The following PVT1 variants were observed in gnomAD, a reference collection of about 807,000 sequenced individuals.
PVT1 encodes the protein Pvt1 oncogene.
At chr8:127,997,679 T>C (rs1055735098) in intron 4 of PVT1, among the ~76,000 whole-genome samples, 2 of 152,248 alleles carry the variant, frequency 1.3e-5, no homozygotes, top group Admixed American at 6.5e-5. Flanking sequence ...AGTTCTCATA[T>C]ACCCTGCTCC....
At chr8:127,893,300 T>C (rs1422637363) in intron 3 of PVT1, among the ~76,000 whole-genome samples, 2 of 152,144 alleles carry the variant, frequency 1.3e-5, no homozygotes, top group Non-Finnish European at 1.5e-5. Flanking sequence ...TTTTTGAGAC[T>C]GAGTCTTACT....
At chr8:128,054,926 C>A (rs1813745688) in intron 4 of PVT1, among the ~76,000 whole-genome samples, 1 of 152,206 alleles carries the variant, frequency 6.6e-6, no homozygotes, top group Non-Finnish European at 1.5e-5. Context: ...AGCACATTAT[C>A]TTCCATAATG....
chr8:127,817,489 G>GTATATATACATA (rs1490929524), intron 2 of PVT1, among the ~76,000 whole-genome samples: 1 of 124,024 alleles, frequency 8.1e-6, no homozygotes, highest in African/African-American at 3.4e-5. Flanking sequence ...GTGTGTGTGT[G>GTATATATACATA]TGTATATACA....
chr8:128,009,356 A>G (rs1817287225), intron 4 of PVT1, among the ~76,000 whole-genome samples: 4 of 152,184 alleles, frequency 2.6e-5, no homozygotes, highest in Admixed American at 2.6e-4. Context: ...CCTATTCTAT[A>G]TGTCCTGCAT....
chr8:127,884,237 C>T (rs1250643016), intron 2 of PVT1, among the ~76,000 whole-genome samples: 1 of 152,214 alleles, frequency 6.6e-6, no homozygotes, highest in Non-Finnish European at 1.5e-5. Context: ...ATAACATCAT[C>T]ACACACTCCC....
intron 4 of PVT1, among the ~76,000 whole-genome samples, chr8:127,998,654 T>C (rs1003809067): frequency 5.3e-5 from 8 of 149,538 alleles, no homozygotes; most frequent in African/African-American, 1.7e-4. Context: ...TCCTTTTTCT[T>C]CCTTTTTTCC....
chr8:127,964,639 A>C (rs1345576420), intron 3 of PVT1, among the ~76,000 whole-genome samples: 1 of 151,984 alleles, frequency 6.6e-6, no homozygotes, highest in Non-Finnish European at 1.5e-5. Context: ...GCTAAGGGAC[A>C]CCCTTTCCTT....
intron 6 of PVT1, chr8:128,100,952 A>C (rs578080812): frequency 1.3e-5 from 2 of 152,320 alleles, no homozygotes; most frequent in Admixed American, 1.3e-4. Context: ...CTACTATTAC[A>C]GATTGGCCTT....
At chr8:127,818,739 C>T (rs977559742) in intron 2 of PVT1, among the ~76,000 whole-genome samples, 6 of 152,198 alleles carry the variant, frequency 3.9e-5, no homozygotes, top group Non-Finnish European at 7.3e-5. Context: ...AGAGCCTCCA[C>T]GTCCTCATCT....
intron 4 of PVT1, among the ~76,000 whole-genome samples, chr8:128,038,254 A>C (rs897996056): frequency 6.6e-6 from 1 of 152,118 alleles, no homozygotes; most frequent in Non-Finnish European, 1.5e-5. Context: ...TCAAATGTTG[A>C]TGGAAGGTTT....
intron 2 of PVT1, among the ~76,000 whole-genome samples, chr8:127,849,109 A>G (rs1474280261): frequency 6.6e-6 from 1 of 152,190 alleles, no homozygotes; most frequent in Admixed American, 6.5e-5. Context: ...GCCCTGGCTC[A>G]GTAGGAAGAG....
intron 5 of PVT1, among the ~76,000 whole-genome samples, chr8:128,070,669 C>T (rs77368904): frequency 0.032 from 4,819 of 152,242 alleles, 254 homozygotes; most frequent in African/African-American, 0.11. Context: ...GACTCCCTAT[C>T]TTCTGTTAGG....
chr8:127,920,482 C>T (rs1816042945), intron 3 of PVT1, among the ~76,000 whole-genome samples: 1 of 152,198 alleles, frequency 6.6e-6, no homozygotes, highest in Non-Finnish European at 1.5e-5. Context: ...GAGACTAATA[C>T]TAGTACCCAC....
chr8:128,045,736 T>C (rs566842674), intron 4 of PVT1, among the ~76,000 whole-genome samples: 1 of 152,334 alleles, frequency 6.6e-6, no homozygotes, highest in African/African-American at 2.4e-5. Context: ...AGCGGCTTCA[T>C]AATGAGCTGA....
chr8:127,826,451 A>G (rs1814789659), intron 2 of PVT1, among the ~76,000 whole-genome samples: 1 of 152,152 alleles, frequency 6.6e-6, no homozygotes, highest in African/African-American at 2.4e-5. Context: ...GGCTGGTTGT[A>G]TATGGCTGGC....
intron 2 of PVT1, among the ~76,000 whole-genome samples, chr8:127,874,421 A>G (rs1815383364): frequency 6.6e-6 from 1 of 152,180 alleles, no homozygotes; most frequent in African/African-American, 2.4e-5. Flanking sequence ...TGACACATCC[A>G]CCATGTCCAG....
At chr8:127,980,531 A>G (rs1268065404) in intron 3 of PVT1, among the ~76,000 whole-genome samples, 1 of 151,920 alleles carries the variant, frequency 6.6e-6, no homozygotes, top group Non-Finnish European at 1.5e-5. Flanking sequence ...TTGAATGGAT[A>G]TGGGATGTTT....
At position 127,899,074 on chromosome 8, in the gene PVT1, C is replaced by T. The variant is rs140619866; in HGVS notation, n.782+8076C>T. On this transcript the variant is annotated intron_variant and non_coding_transcript_variant, in intron 3 of 10. Coordinates refer to ENST00000651587, the Ensembl canonical transcript of PVT1. ...AATAAACACTGGCTGGCCCCCAGCT[C>T]TCAGCTTTCTGCTCACTGGGGGGCC... is the stretch of plus-strand genomic sequence containing the variant. 3.3e-4 allele frequency among the ~76,000 whole-genome samples: 51 copies of T among 152,342 alleles called. No homozygotes were observed. In the East Asian group the frequency reaches 9.3e-3, roughly 28 times the overall value.
intron 2 of PVT1, among the ~76,000 whole-genome samples, chr8:127,832,133 A>G (rs1814857496): frequency 6.6e-6 from 1 of 152,018 alleles, no homozygotes; most frequent in Admixed American, 6.6e-5. Context: ...GTTATGTGTC[A>G]GGCACCCCTC....
Sources: gnomAD v4.1 joint callset for allele counts (sites outside exome capture counted in the v4.1 genomes callset) on GRCh38, gnomAD v4.1.1 for gene constraint, MANE v1.5 for transcripts, NCBI Gene and HGNC (gene_info 2026-07-23, HGNC 2026-07-21) for gene names.